Variants in TEKT5 observed in about 807,000 individuals in gnomAD.
TEKT5 encodes tektin 5, also known as tektin-5.
In TEKT5, 52 loss-of-function variants were observed where a neutral mutation model predicts 48.7. That is an observed-to-expected ratio of 1.07 (90% CI 0.86 to 1.35). TEKT5 has a LOEUF of 1.35. Among genes scored for constraint, TEKT5 ranks in the 40% most tolerant of loss-of-function variants. The probability of loss-of-function intolerance (pLI) is 0.00; values close to 1 mark genes in which losing one functional copy is unlikely to be tolerated. For missense variants in TEKT5, 831 were observed against 641.6 expected, an observed-to-expected ratio of 1.30 and a Z score of -3.19; for synonymous variants, 318 against 267.6, an observed-to-expected ratio of 1.19 and a Z score of -1.84.
chr16:10,661,673 G>A (rs1898373540), intron 5 of TEKT5, among the ~76,000 whole-genome samples: 1 of 152,138 alleles, frequency 6.6e-6, no homozygotes, highest in Non-Finnish European at 1.5e-5. Flanking sequence ...AGAACTTATG[G>A]AATGTGCGGA....
intron 5 of TEKT5, among the ~76,000 whole-genome samples, chr16:10,668,605 C>T (rs1455472120): frequency 6.6e-6 from 1 of 152,190 alleles, no homozygotes; most frequent in African/African-American, 2.4e-5. Flanking sequence ...GGGCCCTCAC[C>T]CCTCAGACGC....
At chr16:10,658,259 T>A (rs1898297096) in intron 5 of TEKT5, among the ~76,000 whole-genome samples, 2 of 152,196 alleles carry the variant, frequency 1.3e-5, no homozygotes, top group Admixed American at 6.5e-5. Flanking sequence ...AGGGATTCCG[T>A]TCCTGGGAAC....
At position 10,693,132 on chromosome 16, in the gene TEKT5, G is replaced by C. The variant is rs113243042; in HGVS notation, c.564+1178C>G. ...GTTTTTTGAGATGGAGTCTTGCTTT[G>C]TGGCACAGGCTGGAGTGCAGTGGCG... On this transcript the variant is annotated intron_variant, in intron 1 of 6. Coordinates refer to ENST00000283025, the MANE Select transcript of TEKT5 (RefSeq NM_144674.2). Among the ~76,000 whole-genome samples the C allele has an allele frequency of 6.3e-3, 965 of 152,300 alleles. 6 individuals carry two copies. Among genetic ancestry groups the C allele is most frequent in the African/African-American group, 0.022 (914 of 41,554 alleles).
chr16:10,673,533 GGT>G (rs1898585795), intron 5 of TEKT5, among the ~76,000 whole-genome samples: 2 of 151,976 alleles, frequency 1.3e-5, no homozygotes, highest in Admixed American at 6.6e-5. Context: ...GCCTTCTCCA[GGT>G]ATCTCACCCT....
intron 4 of TEKT5, among the ~76,000 whole-genome samples, chr16:10,679,115 G>T (rs570798892): frequency 1.3e-5 from 2 of 152,110 alleles, no homozygotes; most frequent in Non-Finnish European, 2.9e-5. Flanking sequence ...CAACCCCCAG[G>T]GTTGCTGAGT....
intron 5 of TEKT5, among the ~76,000 whole-genome samples, chr16:10,655,191 C>T (rs1013496997): frequency 1.2e-4 from 19 of 152,042 alleles, no homozygotes; most frequent in Non-Finnish European, 2.4e-4. Context: ...ACATGCTGAA[C>T]GGGTAACTCA....
intron 5 of TEKT5, among the ~76,000 whole-genome samples, chr16:10,672,651 G>A (rs1244580421): frequency 6.6e-6 from 1 of 152,096 alleles, no homozygotes. Context: ...GATGTAAGGA[G>A]TACCAGGCAG....
chr16:10,659,026 G>C (rs528236865), intron 5 of TEKT5, among the ~76,000 whole-genome samples: 15 of 152,190 alleles, frequency 9.9e-5, no homozygotes, highest in Admixed American at 2.6e-4. Context: ...TCTGGGACCA[G>C]ATCATTCTGT....
At position 10,692,232 on chromosome 16, in the gene TEKT5, G is replaced by T. The variant is rs146946434; in HGVS notation, c.564+2078C>A. On this transcript the variant is annotated intron_variant, in intron 1 of 6. Coordinates refer to ENST00000283025, the MANE Select transcript of TEKT5 (RefSeq NM_144674.2). Reference sequence around the variant, plus strand: ...TGAGAAGAGAATGGGAGGGAGAGCAGTAGGTCTGGGATACTGCTGTAGGGC... The same window carrying T: ...TGAGAAGAGAATGGGAGGGAGAGCATTAGGTCTGGGATACTGCTGTAGGGC... Among the ~76,000 whole-genome samples the T allele has an allele frequency of 1.4e-3, 215 of 152,328 alleles. 2 individuals carry two copies. Among genetic ancestry groups the T allele is most frequent in the African/African-American group, 4.9e-3 (204 of 41,564 alleles).
At chr16:10,687,697 G>A (rs1898888296) in intron 3 of TEKT5, among the ~76,000 whole-genome samples, 1 of 152,256 alleles carries the variant, frequency 6.6e-6, no homozygotes, top group South Asian at 2.1e-4. Context: ...AGGTTGCAGT[G>A]AGCTGAGCCC....
rs188642522 is a variant in TEKT5, at chr16:10,693,654, G to C, written c.564+656C>G. Reference sequence around the variant, plus strand: ...GTATTCTAATATTCAATCAAGTATAGAGCATGTTAAATGATAAGTATTACG... The same window carrying C: ...GTATTCTAATATTCAATCAAGTATACAGCATGTTAAATGATAAGTATTACG... On this transcript the variant is annotated intron_variant, in intron 1 of 6. Coordinates refer to ENST00000283025, the MANE Select transcript of TEKT5 (RefSeq NM_144674.2). 9.3e-4 allele frequency among the ~76,000 whole-genome samples: 141 copies of C among 152,350 alleles called. 1 individual carries two copies. The highest frequency in any genetic ancestry group is 3.4e-3 in the Middle Eastern group (1 of 294).
chr16:10,690,089 G>C (rs918285989), intron 1 of TEKT5, 64 bp from the exon 2 acceptor site: 2 of 1,542,158 alleles, frequency 1.3e-6, no homozygotes, highest in Admixed American at 1.7e-5. Context: ...GAGCAGAAGG[G>C]ACTCACATCC....
chr16:10,688,783 T>C (rs987074064), intron 3 of TEKT5, among the ~76,000 whole-genome samples: 2 of 152,224 alleles, frequency 1.3e-5, no homozygotes, highest in African/African-American at 2.4e-5. Context: ...TGAAGACTTC[T>C]GGCTCAATGC....
chr16:10,632,665 T>C (rs556726693), intron 6 of TEKT5, among the ~76,000 whole-genome samples: 4 of 151,390 alleles, frequency 2.6e-5, no homozygotes, highest in African/African-American at 7.3e-5. Context: ...GTGATTGGAG[T>C]AGGTCAGGAG....
At chr16:10,689,595 C>A (rs1192064587) in intron 2 of TEKT5, among the ~76,000 whole-genome samples, 2 of 150,504 alleles carry the variant, frequency 1.3e-5, no homozygotes, top group Admixed American at 6.6e-5. Context: ...TAGCACCTAC[C>A]ATGTGCCAAG....
chr16:10,687,648 G>A (rs1898887032), intron 3 of TEKT5, among the ~76,000 whole-genome samples: 1 of 152,262 alleles, frequency 6.6e-6, no homozygotes, highest in Non-Finnish European at 1.5e-5. Context: ...AGCTACTCGG[G>A]AGGCTGAGGC....
intron 6 of TEKT5, among the ~76,000 whole-genome samples, chr16:10,630,339 G>C (rs1109650): frequency 0.045 from 6,777 of 151,816 alleles, 302 homozygotes; most frequent in East Asian, 0.24. Context: ...GGGTTCAAGA[G>C]ATCCTCCTGT....
At chr16:10,680,041 C>G (rs1898719337) in intron 4 of TEKT5, among the ~76,000 whole-genome samples, 2 of 152,356 alleles carry the variant, frequency 1.3e-5, no homozygotes, top group Admixed American at 1.3e-4. Flanking sequence ...GAGCAGGTCC[C>G]TCCTGGGTGT....
At chr16:10,627,951 T>G in intron 6 of TEKT5, 152 bp from the exon 7 acceptor site, 1 of 605,402 alleles carries the variant, frequency 1.7e-6, no homozygotes, top group Non-Finnish European at 2.8e-6. Flanking sequence ...CAAGTAATTC[T>G]GCCTCAGCCT....
Sources: allele counts gnomAD v4.1 joint callset (sites outside exome capture counted in the v4.1 genomes callset), GRCh38; gene constraint gnomAD v4.1.1; transcripts MANE v1.5; gene names NCBI Gene and HGNC (gene_info 2026-07-23, HGNC 2026-07-21).